AP3S2: variants seen among roughly 807,000 people sequenced by gnomAD.
The protein encoded by AP3S2 is AP-3 complex subunit sigma-2.
In AP3S2, 22 loss-of-function variants were observed where a neutral mutation model predicts 23.4. The ratio of observed to expected loss-of-function variants is 0.94; its 90% CI spans 0.67 to 1.34. AP3S2 has a LOEUF of 1.34. Ranked by LOEUF, AP3S2 falls within the 40% of genes most tolerant of loss-of-function variation. AP3S2 has a pLI of 0.00. For synonymous variants in AP3S2, 86 were observed against 87.1 expected (o/e 0.99, Z 0.07); for missense variants, 241 against 236.9 (o/e 1.02, Z -0.11).
At chr15:89,864,515 G>A (rs367810133) in intron 4 of AP3S2, among the ~76,000 whole-genome samples, 1 of 152,174 alleles carries the variant, frequency 6.6e-6, no homozygotes, top group East Asian at 1.9e-4. Context: ...CCAGGAATCA[G>A]AGCAGATGCC....
chr15:89,888,534 A>C lies in AP3S2; in HGVS notation c.260T>G (p.Leu87Trp). ...GACTACACATACCTGGATGAGGTCC[A>C]AGATTCCAAGTTCACTCTCTGAGGA... ...VDSSESELGILDLIQVFVETL... is the reference protein window; with the variant it reads ...VDSSESELGIWDLIQVFVETL... The change falls in exon 3 of 6, where the codon TTG becomes TGG. Residue 87 changes from leucine (L) to tryptophan (W), a missense_variant. Transcript: ENST00000336418. 3 of 1,614,224 alleles carry C rather than the reference A, an allele frequency of 1.9e-6. No individual in the cohort carries two copies. Among genetic ancestry groups the C allele is most frequent in the Non-Finnish European group, 2.5e-6 (3 of 1,180,030 alleles).
Position 89,835,280 on chromosome 15 carries a change from TG to T in AP3S2, c.*234del. ...AAGGCAGGGCCCCTCACATCTGCAG[TG>T]GCCGTATGCATCAGAGAACGGCATG... is the stretch of plus-strand genomic sequence containing the variant. On this transcript the variant is annotated 3_prime_UTR_variant, in exon 6 of 6. Transcript: ENST00000336418. The T allele has an allele frequency of 1.6e-6, 1 of 620,306 alleles. No homozygotes were observed. The highest frequency in any genetic ancestry group is 2.6e-6 in the Non-Finnish European group (1 of 378,596). The allele number at this position is 620,306 out of a possible 1,614,324, so 38.4% of individuals were successfully genotyped here. A position where few individuals can be genotyped will look rare whatever the true frequency, so the allele number is the denominator to read the frequency against.
intron 4 of AP3S2, 173 bp from the exon 5 acceptor site, chr15:89,837,895 C>A (rs1895236012): frequency 1.5e-6 from 1 of 650,544 alleles, no homozygotes; most frequent in South Asian, 2.0e-5. Context: ...TCTCCCAGGT[C>A]TTGGCACATG....
At position 89,893,789 on chromosome 15, in the gene AP3S2, A is replaced by T; in HGVS notation, c.69+92T>A. Reference sequence around the variant, plus strand: ...TCGGTGCAGGAGCCCCAGGTGACCAAAGAGCGGTGCCCCCGGGCGCCGAGA... The same window carrying T: ...TCGGTGCAGGAGCCCCAGGTGACCATAGAGCGGTGCCCCCGGGCGCCGAGA... On this transcript the variant is annotated intron_variant, in intron 1 of 5. Transcript: ENST00000336418. 4 of 1,318,512 alleles carry T rather than the reference A, an allele frequency of 3.0e-6. No individual in the cohort carries two copies. In the South Asian group the frequency reaches 5.1e-5, roughly 17 times the overall value. 81.7% of individuals were successfully genotyped at this position (1,318,512 alleles called of 1,614,324 possible). A position where few individuals can be genotyped will look rare whatever the true frequency, so the allele number is the denominator to read the frequency against.
At chr15:89,867,864 C>A (rs1896179124) in intron 4 of AP3S2, among the ~76,000 whole-genome samples, 1 of 132,396 alleles carries the variant, frequency 7.6e-6, no homozygotes, top group Non-Finnish European at 1.7e-5. Context: ...GGCAGCCACC[C>A]CATCTGGGAA....
chr15:89,892,098 C>T (rs1896833701), intron 1 of AP3S2, among the ~76,000 whole-genome samples: 1 of 152,084 alleles, frequency 6.6e-6, no homozygotes, highest in Non-Finnish European at 1.5e-5. Context: ...ATCTTGAAAA[C>T]ATTATACTAC....
At chr15:89,867,157 C>T (rs1309743884) in intron 4 of AP3S2, among the ~76,000 whole-genome samples, 5 of 148,942 alleles carry the variant, frequency 3.4e-5, no homozygotes, top group African/African-American at 1.2e-4. Context: ...CGAGTGCCTG[C>T]GATTGCAGGC....
chr15:89,849,658 C>T (rs981901444), intron 4 of AP3S2, among the ~76,000 whole-genome samples: 5 of 152,026 alleles, frequency 3.3e-5, no homozygotes, highest in Non-Finnish European at 5.9e-5. Flanking sequence ...TGAGCCACTG[C>T]GCCCAGCCTA....
intron 3 of AP3S2, among the ~76,000 whole-genome samples, 173 bp from the exon 4 acceptor site, chr15:89,871,719 T>C (rs1178505458): frequency 6.6e-6 from 1 of 152,236 alleles, no homozygotes. Context: ...ACCCTACTTA[T>C]CTCGATTTAG....
chr15:89,855,927 T>A (rs1411342825), intron 4 of AP3S2, among the ~76,000 whole-genome samples: 34 of 96,956 alleles, frequency 3.5e-4, no homozygotes, highest in Admixed American at 1.0e-3. Context: ...TGTGTATGAA[T>A]AAATATGATA....
chr15:89,853,003 A>C (rs1435507818), intron 4 of AP3S2, among the ~76,000 whole-genome samples: 2 of 152,172 alleles, frequency 1.3e-5, no homozygotes, highest in African/African-American at 4.8e-5. Flanking sequence ...CCCTTTTGGC[A>C]GTGGTCCCCA....
At chr15:89,836,749 T>G (rs1027133731) in intron 5 of AP3S2, among the ~76,000 whole-genome samples, 1 of 152,214 alleles carries the variant, frequency 6.6e-6, no homozygotes, top group African/African-American at 2.4e-5. Context: ...CCCTTGCCTC[T>G]GACTCACTTA....
At chr15:89,868,085 C>A (rs1197304985) in intron 4 of AP3S2, among the ~76,000 whole-genome samples, 3 of 123,910 alleles carry the variant, frequency 2.4e-5, no homozygotes, top group South Asian at 5.8e-4. Flanking sequence ...GCCCCTCAGC[C>A]TGGCCAGCCA....
At chr15:89,888,138 C>T (rs1261434137) in intron 3 of AP3S2, among the ~76,000 whole-genome samples, 1 of 152,304 alleles carries the variant, frequency 6.6e-6, no homozygotes, top group African/African-American at 2.4e-5. Flanking sequence ...TATTCAAGTA[C>T]TTAAAAGAAG....
chr15:89,845,763 G>T (rs960662482), intron 4 of AP3S2: 1 of 152,240 alleles, frequency 6.6e-6, no homozygotes, highest in African/African-American at 2.4e-5. Flanking sequence ...GGAACAGAAA[G>T]AAAGAGGCTA....
intron 1 of AP3S2, chr15:89,893,420 C>T (rs1254566567): frequency 7.3e-6 from 2 of 274,650 alleles, no homozygotes; most frequent in East Asian, 1.3e-4. Flanking sequence ...CTGGAAAGTC[C>T]CAGCCAACAC....
Position 89,858,485 on chromosome 15 carries a change from AAGAAAGAAAGAGAGAGAG to A in AP3S2, c.345+12972_345+12989del, listed in dbSNP as rs1157135103. Among the ~76,000 whole-genome samples, 134 of 38,864 alleles carry A rather than the reference AAGAAAGAAAGAGAGAGAG, an allele frequency of 3.4e-3. 2 individuals carry two copies. Among genetic ancestry groups the A allele is most frequent in the African/African-American group, 8.4e-3 (130 of 15,502 alleles). The allele number at this position is 38,864 out of a possible 152,430, so 25.5% of individuals were successfully genotyped here. A position where few individuals can be genotyped will look rare whatever the true frequency, so the allele number is the denominator to read the frequency against. ...AAAGAAAGAAAGAAAGAAAGAAAGAAAGAAAGAAAGAGAGAGAGAGAGAGAGAGAGAGAGAGAGAGAAA... is the reference window on the plus strand; with the variant it reads ...AAAGAAAGAAAGAAAGAAAGAAAGAAAGAGAGAGAGAGAGAGAGAGAGAAA... On this transcript the variant is annotated intron_variant, in intron 4 of 5. Transcript: ENST00000336418.
At chr15:89,871,206 TCTC>T (rs2141881208) in intron 4 of AP3S2, among the ~76,000 whole-genome samples, 1 of 152,324 alleles carries the variant, frequency 6.6e-6, no homozygotes, top group South Asian at 2.1e-4. Context: ...GTGACATCAT[TCTC>T]CTATATCAAG....
chr15:89,837,603 C>G lies in AP3S2; in HGVS notation c.453+12G>C. 2 of 1,614,086 alleles carry G rather than the reference C, an allele frequency of 1.2e-6. No individual in the cohort carries two copies. Among genetic ancestry groups the G allele is most frequent in the Non-Finnish European group, 1.7e-6 (2 of 1,179,964 alleles). On this transcript the variant is annotated intron_variant, in intron 5 of 5. Coordinates refer to ENST00000336418, the MANE Select transcript of AP3S2 (RefSeq NM_005829.5). ...CTACCCAGCCAGGGCTAGAGCACAG[C>G]TGCTTACTCACCTCGGATTTCTCCA... is the stretch of plus-strand genomic sequence containing the variant.
Sources: gnomAD v4.1 joint callset for allele counts (sites outside exome capture counted in the v4.1 genomes callset) on GRCh38, gnomAD v4.1.1 for gene constraint, MANE v1.5 for transcripts, NCBI Gene and HGNC (gene_info 2026-07-23, HGNC 2026-07-21) for gene names.